METTL15: variants seen among roughly 807,000 people sequenced by gnomAD.
The protein encoded by METTL15 is methyltransferase 15, mitochondrial 12S rRNA N4-cytidine.
Under a neutral mutation model 38.3 loss-of-function variants are expected in METTL15, and 34 were observed. The observed-to-expected ratio is 0.89, with a 90% CI of 0.68 to 1.18. The LOEUF (loss-of-function observed/expected upper bound fraction) is 1.18. Ranked by LOEUF, METTL15 falls within the 50% of genes most tolerant of loss-of-function variation. The pLI is 0.00. For synonymous variants in METTL15, 162 were observed against 170.9 expected (o/e 0.95, Z 0.41); for missense variants, 438 against 498.4 (o/e 0.88, Z 1.15).
At chr11:28,270,385 C>T (rs929113819) in intron 4 of METTL15, among the ~76,000 whole-genome samples, 2 of 152,252 alleles carry the variant, frequency 1.3e-5, no homozygotes, top group African/African-American at 2.4e-5. Context: ...GTAACTCCTT[C>T]GGCATGTTAT....
At chr11:28,409,996 A>G (rs934330492) in intron 5 of METTL15, among the ~76,000 whole-genome samples, 1 of 152,188 alleles carries the variant, frequency 6.6e-6, no homozygotes, top group African/African-American at 2.4e-5. Flanking sequence ...AACTCTATGC[A>G]AATGAATTAG....
intron 6 of METTL15, among the ~76,000 whole-genome samples, chr11:28,448,055 C>A (rs1213457299): frequency 6.6e-6 from 1 of 151,764 alleles, no homozygotes; most frequent in African/African-American, 2.4e-5. Flanking sequence ...ATCTGAGTGC[C>A]CAAATGATAA....
chr11:28,452,352 CT>C (rs1405714876), intron 6 of METTL15, among the ~76,000 whole-genome samples: 1 of 152,212 alleles, frequency 6.6e-6, no homozygotes, highest in African/African-American at 2.4e-5. Flanking sequence ...TATAAATGGT[CT>C]GCAGTTTCCC....
At chr11:28,164,406 T>G (rs925362103) in intron 3 of METTL15, among the ~76,000 whole-genome samples, 3 of 152,048 alleles carry the variant, frequency 2.0e-5, no homozygotes, top group Admixed American at 6.6e-5. Flanking sequence ...AAAAGGAATA[T>G]GTATGTTTCT....
intron 6 of METTL15, among the ~76,000 whole-genome samples, chr11:28,445,278 G>C (rs530662390): frequency 6.6e-6 from 1 of 152,056 alleles, no homozygotes; most frequent in African/African-American, 2.4e-5. Flanking sequence ...AAGAACTTCC[G>C]TAGACTCTTT....
chr11:28,365,062 G>A (rs1031751825), intron 5 of METTL15, among the ~76,000 whole-genome samples: 2 of 152,144 alleles, frequency 1.3e-5, no homozygotes, highest in Non-Finnish European at 2.9e-5. Context: ...TTGATGTGCT[G>A]CTGGATTTGG....
intron 5 of METTL15, among the ~76,000 whole-genome samples, chr11:28,405,043 A>C (rs1433037915): frequency 6.6e-6 from 1 of 152,176 alleles, no homozygotes; most frequent in Non-Finnish European, 1.5e-5. Flanking sequence ...CATCTAGTTT[A>C]AATCATTCAT....
chr11:28,416,845 A>G (rs1237104491), intron 5 of METTL15, among the ~76,000 whole-genome samples: 1 of 152,216 alleles, frequency 6.6e-6, no homozygotes, highest in African/African-American at 2.4e-5. Flanking sequence ...AACTTAGCTG[A>G]AAATGCAGTT....
At chr11:28,240,486 A>G (rs1304525110) in intron 4 of METTL15, among the ~76,000 whole-genome samples, 1 of 152,212 alleles carries the variant, frequency 6.6e-6, no homozygotes, top group African/African-American at 2.4e-5. Flanking sequence ...TTTGATCATC[A>G]CATTGACTGT....
intron 3 of METTL15, among the ~76,000 whole-genome samples, chr11:28,210,717 T>C (rs1189260003): frequency 2.6e-5 from 4 of 151,984 alleles, no homozygotes; most frequent in Non-Finnish European, 5.9e-5. Context: ...TGAGAAATTA[T>C]TGAAAATGTT....
At chr11:28,457,492 C>T (rs1272723740) in intron 6 of METTL15, among the ~76,000 whole-genome samples, 1 of 152,186 alleles carries the variant, frequency 6.6e-6, no homozygotes, top group East Asian at 1.9e-4. Flanking sequence ...TTTTGATCCA[C>T]TCAAGCAGTC....
At chr11:28,292,234 G>T (rs1311253206) in intron 5 of METTL15, among the ~76,000 whole-genome samples, 2 of 114,192 alleles carry the variant, frequency 1.8e-5, no homozygotes, top group African/African-American at 7.1e-5. Flanking sequence ...ACAGGCCCCA[G>T]TGTGTGATGT....
At chr11:28,279,836 T>G (rs1164063170) in intron 4 of METTL15, among the ~76,000 whole-genome samples, 1 of 151,110 alleles carries the variant, frequency 6.6e-6, no homozygotes, top group Non-Finnish European at 1.5e-5. Context: ...GAGGCGGAGG[T>G]TGCAGTGAGC....
intron 6 of METTL15, among the ~76,000 whole-genome samples, chr11:28,303,749 A>AT (rs1856988681): frequency 6.6e-6 from 1 of 152,164 alleles, no homozygotes; most frequent in African/African-American, 2.4e-5. Context: ...AAGGGGAAAA[A>AT]ATATATAAGT....
intron 3 of METTL15, among the ~76,000 whole-genome samples, chr11:28,131,842 T>G (rs1849348479): frequency 1.3e-5 from 2 of 152,196 alleles, no homozygotes; most frequent in South Asian, 4.1e-4. Flanking sequence ...AGTATTACTT[T>G]CAAAAGATTA....
chr11:28,380,232 A>T (rs1590352941), intron 5 of METTL15, among the ~76,000 whole-genome samples: 1 of 150,412 alleles, frequency 6.6e-6, no homozygotes, highest in South Asian at 2.1e-4. Flanking sequence ...CAGTGGCACA[A>T]TCTCGGCTCA....
intron 6 of METTL15, among the ~76,000 whole-genome samples, chr11:28,513,827 T>C (rs1851696790): frequency 6.6e-6 from 1 of 152,266 alleles, no homozygotes; most frequent in Admixed American, 6.5e-5. Flanking sequence ...TAAGAACGCC[T>C]TTAAGCAGTT....
chr11:28,374,859 A>G (rs1850288514), intron 5 of METTL15, among the ~76,000 whole-genome samples: 1 of 150,408 alleles, frequency 6.6e-6, no homozygotes, highest in East Asian at 2.0e-4. Flanking sequence ...TAATTTATTG[A>G]GAGTTTTTAG....
intron 6 of METTL15, among the ~76,000 whole-genome samples, chr11:28,328,925 G>T (rs1849726560): frequency 6.6e-6 from 1 of 151,906 alleles, no homozygotes; most frequent in African/African-American, 2.4e-5. Flanking sequence ...TTCATTTCTT[G>T]ATGGTGTTGT....
Sources: gnomAD v4.1 joint callset for allele counts (sites outside exome capture counted in the v4.1 genomes callset) on GRCh38, gnomAD v4.1.1 for gene constraint, MANE v1.5 for transcripts, NCBI Gene and HGNC (gene_info 2026-07-23, HGNC 2026-07-21) for gene names.